Variants in E2F7 observed in about 807,000 individuals in gnomAD.
E2F7 encodes transcription factor E2F7.
Under a neutral mutation model 81.1 loss-of-function variants are expected in E2F7, and 35 were observed. The observed-to-expected ratio is 0.43, with a 90% CI of 0.33 to 0.57. E2F7 has a LOEUF of 0.57. E2F7 is among the 20% of genes least tolerant of loss of function. E2F7 has a pLI of 0.04. For synonymous variants in E2F7, 416 were observed against 416.2 expected (o/e 1.00, Z 0.01); for missense variants, 961 against 1,093.7 (o/e 0.88, Z 1.71).
Position 77,050,606 on chromosome 12 carries a change from T to C in E2F7, c.508A>G (p.Ile170Val), listed in dbSNP as rs1213300565. The C allele has an allele frequency of 3.7e-6, 6 of 1,614,038 alleles. No homozygotes were observed. Among genetic ancestry groups the C allele is most frequent in the East Asian group, 4.5e-5 (2 of 44,874 alleles). Residue 170 changes from isoleucine to valine, a missense_variant, in exon 4 of 13, where the codon ATC (isoleucine) becomes GTC (valine). Around this residue, in one of 3 missense-constraint regions of E2F7, gnomAD observed 301 missense variants for 405.0 expected, o/e 0.74. Transcript: ENST00000322886. ...SYPLSTEKTT[I>V]SLDEVAVSLG... ...CTGACAGCAACTTCATCTAGGGAGA[T>C]GGTAGTTTTCTCAGTTGACAAGGGA...
chr12:77,064,502 T>C, intron 2 of E2F7, 41 bp downstream of exon 2: 1 of 1,520,624 alleles, frequency 6.6e-7, no homozygotes, highest in Non-Finnish European at 9.1e-7. Context: ...AACATCACCA[T>C]CCTTAACATA....
chr12:77,062,031 T>C (rs909185066), intron 2 of E2F7, among the ~76,000 whole-genome samples: 2 of 152,080 alleles, frequency 1.3e-5, no homozygotes, highest in South Asian at 2.1e-4. Context: ...ACTCCTAGTA[T>C]AGCACTCACC....
intron 2 of E2F7, among the ~76,000 whole-genome samples, chr12:77,056,896 T>C (rs1344998956): frequency 6.6e-6 from 1 of 151,514 alleles, no homozygotes; most frequent in Non-Finnish European, 1.5e-5. Context: ...TACTTTTTTT[T>C]TTTTTTTAAA....
intron 7 of E2F7, among the ~76,000 whole-genome samples, chr12:77,041,172 C>G (rs775241892): frequency 6.6e-6 from 1 of 152,302 alleles, no homozygotes; most frequent in South Asian, 2.1e-4. Flanking sequence ...TTCTCAACAG[C>G]CGCTCATCTT....
At position 77,022,824 on chromosome 12, in the gene E2F7, T is replaced by A. The variant is rs1954724372; in HGVS notation, c.*1191A>T. 1 of 152,182 alleles carries A rather than the reference T, an allele frequency of 6.6e-6. No individual in the cohort carries two copies. Among genetic ancestry groups the A allele is most frequent in the South Asian group, 2.1e-4 (1 of 4,828 alleles). The allele number at this position is 152,182 out of a possible 1,614,324, so 9.4% of individuals were successfully genotyped here. ...AAAAAAGGGAAATTGCATAACAGTTTCCAGAATTGTATTCATGCTAGAACA... is the reference window on the plus strand; with the variant it reads ...AAAAAAGGGAAATTGCATAACAGTTACCAGAATTGTATTCATGCTAGAACA... On this transcript the variant is annotated 3_prime_UTR_variant, in exon 13 of 13. Coordinates refer to ENST00000322886, the MANE Select transcript of E2F7 (RefSeq NM_203394.3).
chr12:77,065,148 G>A (rs984079262), intron 1 of E2F7, among the ~76,000 whole-genome samples, 197 bp downstream of exon 1: 1 of 152,174 alleles, frequency 6.6e-6, no homozygotes, highest in African/African-American at 2.4e-5. Flanking sequence ...TTGTGGGGAA[G>A]GGCAAATCCC....
intron 2 of E2F7, among the ~76,000 whole-genome samples, chr12:77,060,026 C>T (rs567940679): frequency 1.8e-4 from 27 of 151,786 alleles, no homozygotes; most frequent in South Asian, 1.3e-3. Flanking sequence ...TGATGGCTGC[C>T]CTAGAACTCC....
chr12:77,039,824 A>G (rs1264582894), intron 7 of E2F7, among the ~76,000 whole-genome samples: 1 of 152,226 alleles, frequency 6.6e-6, no homozygotes, highest in East Asian at 1.9e-4. Context: ...CCCAAGAGAA[A>G]TGAAAACATA....
At chr12:77,027,857 C>T (rs1240050630) in intron 11 of E2F7, 26 bp downstream of exon 11, 1 of 1,611,888 alleles carries the variant, frequency 6.2e-7, no homozygotes, top group South Asian at 1.1e-5. Flanking sequence ...CCGCAAGGGA[C>T]TCTAAGACAT....
In E2F7 at chr12:77,046,228, G is replaced by A. The variant is rs61759461; in HGVS notation, c.639C>T (p.His213=). 2.4e-4 allele frequency: 382 copies of A among 1,614,048 alleles called. No homozygotes were observed. Among genetic ancestry groups the A allele is most frequent in the Non-Finnish European group, 3.2e-4 (373 of 1,180,038 alleles). The change falls in exon 5 of 13, where the codon CAC becomes CAT. Residue 213 remains histidine, a synonymous_variant. Transcript: ENST00000322886. ...AKNQYGWHGR[H]SLPKTLRNLQ... is the part of the protein sequence containing the mutation. The stretch of plus-strand genomic sequence containing the variant: ...GGTTCCTCAGGGTTTTTGGCAGGCT[G>A]TGCCGTCCATGCCAGCCATACTGAT...
At chr12:77,053,023 CAGAG>C (rs1280258029) in intron 3 of E2F7, among the ~76,000 whole-genome samples, 2 of 152,100 alleles carry the variant, frequency 1.3e-5, no homozygotes, top group South Asian at 2.1e-4. Flanking sequence ...TTTCAAGTGT[CAGAG>C]AGGATATGGG....
chr12:77,040,820 CT>C, intron 7 of E2F7, among the ~76,000 whole-genome samples: 1 of 152,222 alleles, frequency 6.6e-6, no homozygotes, highest in African/African-American at 2.4e-5. Flanking sequence ...CTTTAACTTC[CT>C]GCCATTTATT....
In E2F7 at chr12:77,056,142, A is replaced by C. The variant is rs1565912159; in HGVS notation, c.94-12T>G. On this transcript the variant is annotated splice_polypyrimidine_tract_variant and intron_variant, in intron 2 of 12. Transcript: ENST00000322886. ...ACAAATATATTTTCCTATTTTAAAA[A>C]AGAAACTTTTAGCAAGAATGAGAAA... The C allele has an allele frequency of 6.3e-7, 1 of 1,580,396 alleles. No individual in the cohort carries two copies.
intron 6 of E2F7, chr12:77,044,384 G>A (rs1312648582): frequency 1.6e-5 from 9 of 570,778 alleles, no homozygotes; most frequent in East Asian, 6.6e-5. Flanking sequence ...CTCCCTGACC[G>A]GAGTTCTCAG....
At chr12:77,025,441 G>A in intron 12 of E2F7, 117 bp downstream of exon 12, 2 of 1,170,200 alleles carry the variant, frequency 1.7e-6, no homozygotes, top group Non-Finnish European at 2.4e-6. Flanking sequence ...TACAACGGAA[G>A]CCAGGTGGAG....
chr12:77,037,931 CAG>C (rs1056491142), intron 7 of E2F7, among the ~76,000 whole-genome samples: 3 of 151,840 alleles, frequency 2.0e-5, no homozygotes, highest in African/African-American at 7.3e-5. Context: ...TAAATAGAGA[CAG>C]AAATTATTTA....
At position 77,024,202 on chromosome 12, in the gene E2F7, GA is replaced by G. The variant is rs776623056; in HGVS notation, c.2566-18del. On this transcript the variant is annotated intron_variant, in intron 12 of 12. Transcript: ENST00000322886. Reference sequence around the variant, plus strand: ...AACTGGTGACTGAAAAAAGAAAAAAGAAAAAACAGAAGTGAAGTCATATTGT... The same window carrying G: ...AACTGGTGACTGAAAAAAGAAAAAAGAAAAACAGAAGTGAAGTCATATTGT... The G allele has an allele frequency of 7.5e-6, 12 of 1,606,704 alleles. No homozygotes were observed. The South Asian group carries it at 1.3e-4, about 18-fold the overall frequency.
In E2F7 at chr12:77,028,154, C is replaced by T. The variant is rs1954774749; in HGVS notation, c.1885-16G>A. Reference sequence around the variant, plus strand: ...CTGAGGGTTTCTAAACACAACCAAACCAGGAAGCAAGAAAGTAAGTTAAAA... The same window carrying T: ...CTGAGGGTTTCTAAACACAACCAAATCAGGAAGCAAGAAAGTAAGTTAAAA... On this transcript the variant is annotated splice_polypyrimidine_tract_variant and intron_variant, in intron 10 of 12. Transcript: ENST00000322886. 1 of 1,592,308 alleles carries T rather than the reference C, an allele frequency of 6.3e-7. No individual in the cohort carries two copies. Among genetic ancestry groups the T allele is most frequent in the South Asian group, 1.2e-5 (1 of 86,380 alleles).
At chr12:77,064,839 A>C (rs1955105182) in intron 1 of E2F7, among the ~76,000 whole-genome samples, 1 of 152,224 alleles carries the variant, frequency 6.6e-6, no homozygotes, top group Non-Finnish European at 1.5e-5. Flanking sequence ...TGTGCTTAGT[A>C]ATACTGAAAA....
Sources: allele counts gnomAD v4.1 joint callset (sites outside exome capture counted in the v4.1 genomes callset), GRCh38; gene constraint gnomAD v4.1.1; regional missense constraint gnomAD v4.1.1; transcripts MANE v1.5; gene names NCBI Gene and HGNC (gene_info 2026-07-23, HGNC 2026-07-21).